NTRK2: variants seen among roughly 807,000 people sequenced by gnomAD.
The protein encoded by NTRK2 is neurotrophic receptor tyrosine kinase 2.
NTRK2 carries 13 observed loss-of-function variants against 94.5 expected under a neutral mutation model. The observed-to-expected ratio is 0.14, with a 90% CI of 0.09 to 0.22. NTRK2 has a LOEUF of 0.22. Among genes scored for constraint, NTRK2 ranks in the 10% least tolerant of loss-of-function variants. The pLI is 1.00. For missense variants in NTRK2, 639 were observed against 1,071.2 expected, an observed-to-expected ratio of 0.60 and a Z score of 5.63; for synonymous variants, 372 against 407.4, an observed-to-expected ratio of 0.91 and a Z score of 1.05.
Position 84,810,421 on chromosome 9 carries a change from G to A in NTRK2, c.1397-50619G>A, listed in dbSNP as rs1444681688. ...CTCTATGGTTTAAAGTGTATTCCAT[G>A]TTGTGTCTCATTTTTGATGTTTATT... On this transcript the variant is annotated intron_variant, in intron 12 of 18. Transcript: ENST00000277120. The A allele has an allele frequency of 4.2e-6, 4 of 941,464 alleles. No homozygotes were observed. The East Asian group carries it at 1.0e-4, about 25-fold the overall frequency. The allele number at this position is 941,464 out of a possible 1,614,324, so 58.3% of individuals were successfully genotyped here. A position where few individuals can be genotyped will look rare whatever the true frequency, so the allele number is the denominator to read the frequency against.
At chr9:84,869,394 C>T (rs562284374) in intron 14 of NTRK2, among the ~76,000 whole-genome samples, 133 of 152,192 alleles carry the variant, frequency 8.7e-4, no homozygotes, top group Middle Eastern at 3.4e-3. Flanking sequence ...ATATATCAAA[C>T]GAGATTTTCA....
At chr9:84,725,668 A>G (rs992167061) in intron 8 of NTRK2, among the ~76,000 whole-genome samples, 3 of 148,416 alleles carry the variant, frequency 2.0e-5, no homozygotes, top group African/African-American at 4.9e-5. Flanking sequence ...TATTATGTAT[A>G]TATATATGCA....
chr9:84,903,744 TTCTC>T (rs372656210), intron 14 of NTRK2, among the ~76,000 whole-genome samples: 1 of 149,874 alleles, frequency 6.7e-6, no homozygotes, highest in East Asian at 1.9e-4. Context: ...CCTCCCTCCC[TTCTC>T]TCTCTCTCTC....
chr9:84,672,463 G>A (rs1476665180), intron 2 of NTRK2, among the ~76,000 whole-genome samples: 1 of 152,152 alleles, frequency 6.6e-6, no homozygotes, highest in East Asian at 1.9e-4. Context: ...AAAGTCTGTG[G>A]CCTTTTGTCA....
At chr9:84,820,314 C>A (rs1343564248) in intron 12 of NTRK2, among the ~76,000 whole-genome samples, 1 of 151,866 alleles carries the variant, frequency 6.6e-6, no homozygotes, top group Non-Finnish European at 1.5e-5. Flanking sequence ...GGACTACAGG[C>A]GTGCACCACC....
chr9:84,785,516 C>T (rs990229525), intron 12 of NTRK2, among the ~76,000 whole-genome samples: 1 of 152,262 alleles, frequency 6.6e-6, no homozygotes, highest in East Asian at 1.9e-4. Flanking sequence ...GGATCAAGAG[C>T]TCGTATAACT....
chr9:84,897,270 G>A (rs1026954498), intron 14 of NTRK2, among the ~76,000 whole-genome samples: 1 of 152,130 alleles, frequency 6.6e-6, no homozygotes, highest in Non-Finnish European at 1.5e-5. Flanking sequence ...CCGAGTAGCT[G>A]GGATTACAGG....
chr9:84,686,697 T>G (rs894003661), intron 2 of NTRK2, among the ~76,000 whole-genome samples: 1 of 152,234 alleles, frequency 6.6e-6, no homozygotes, highest in Non-Finnish European at 1.5e-5. Context: ...TTTGCACTTT[T>G]GCAGTAAAAA....
chr9:84,687,889 T>C (rs2059813054), intron 2 of NTRK2, among the ~76,000 whole-genome samples: 1 of 152,168 alleles, frequency 6.6e-6, no homozygotes, highest in South Asian at 2.1e-4. Flanking sequence ...CAGATGGCCC[T>C]ACCTTTCTCT....
At chr9:85,009,705 T>C (rs1440605479) in intron 17 of NTRK2, among the ~76,000 whole-genome samples, 3 of 152,350 alleles carry the variant, frequency 2.0e-5, no homozygotes, top group South Asian at 4.1e-4. Context: ...GTAATCATTA[T>C]GTCCTTCAAA....
At chr9:84,731,120 A>T (rs1588219863) in intron 9 of NTRK2, among the ~76,000 whole-genome samples, 2 of 152,056 alleles carry the variant, frequency 1.3e-5, no homozygotes, top group East Asian at 3.9e-4. Flanking sequence ...CGCTTAGCGT[A>T]TGTGCACCTC....
chr9:84,929,258 G>A (rs2077933166), intron 14 of NTRK2, among the ~76,000 whole-genome samples: 1 of 152,104 alleles, frequency 6.6e-6, no homozygotes. Flanking sequence ...CATTTTTCAG[G>A]ACTCTAATGT....
chr9:84,706,685 G>A lies in NTRK2; in HGVS notation c.360-1159G>A, dbSNP rs947103194. Among the ~76,000 whole-genome samples, 8 of 151,692 alleles carry A rather than the reference G, an allele frequency of 5.3e-5. No homozygotes were observed. The East Asian group carries it at 5.8e-4, about 11-fold the overall frequency. ...GTTGGGACTACAGGTGCCCGCCACC[G>A]CCTGGCTAATTTTTAGTATTTTTTT... On this transcript the variant is annotated intron_variant, in intron 4 of 18. Transcript: ENST00000277120.
Position 84,913,264 on chromosome 9 carries a change from T to C in NTRK2, c.1634-20898T>C, listed in dbSNP as rs1263946938. On this transcript the variant is annotated intron_variant, in intron 14 of 18. Coordinates refer to ENST00000277120, the MANE Select transcript of NTRK2 (RefSeq NM_006180.6). ...TTTAGGCACATTTTATATACATACA[T>C]ACATATATATAACTTATTACAGTAT... Among the ~76,000 whole-genome samples, 4 of 152,314 alleles carry C rather than the reference T, an allele frequency of 2.6e-5. No homozygotes were observed. The East Asian group carries it at 7.7e-4, about 29-fold the overall frequency.
intron 17 of NTRK2, among the ~76,000 whole-genome samples, chr9:85,019,354 A>G (rs998635756): frequency 6.6e-6 from 1 of 152,158 alleles, no homozygotes; most frequent in African/African-American, 2.4e-5. Context: ...CCGCCACAGG[A>G]CTACTGTGCA....
intron 12 of NTRK2, among the ~76,000 whole-genome samples, chr9:84,797,777 A>T (rs11507097): frequency 0.39 from 1,705 of 4,338 alleles, 342 homozygotes; most frequent in African/African-American, 0.58. Context: ...AATATATATA[A>T]TATATATTAT....
chr9:84,815,887 C>T lies in NTRK2; in HGVS notation c.1397-45153C>T, dbSNP rs958864340. On this transcript the variant is annotated intron_variant, in intron 12 of 18. Coordinates refer to ENST00000277120, the MANE Select transcript of NTRK2 (RefSeq NM_006180.6). ...CATTTCAGATTCTGTGATAAATTATCCCCCCAAAAAGGTCTTTTAAAATTC... is the reference window on the plus strand; with the variant it reads ...CATTTCAGATTCTGTGATAAATTATTCCCCCAAAAAGGTCTTTTAAAATTC... Among the ~76,000 whole-genome samples the T allele has an allele frequency of 5.9e-5, 9 of 151,818 alleles. No individual in the cohort carries two copies. The East Asian group carries it at 1.5e-3, about 26-fold the overall frequency.
intron 17 of NTRK2, among the ~76,000 whole-genome samples, chr9:84,979,120 G>A (rs974565257): frequency 6.6e-6 from 1 of 152,196 alleles, no homozygotes; most frequent in Non-Finnish European, 1.5e-5. Flanking sequence ...ATGGATCAAG[G>A]AGGCATTTTG....
intron 14 of NTRK2, among the ~76,000 whole-genome samples, chr9:84,920,627 C>T (rs1379246983): frequency 2.6e-5 from 4 of 152,184 alleles, no homozygotes; most frequent in African/African-American, 9.6e-5. Flanking sequence ...TTCTTCTACT[C>T]TATGTTTCAT....
Sources: allele counts gnomAD v4.1 joint callset (sites outside exome capture counted in the v4.1 genomes callset), GRCh38; gene constraint gnomAD v4.1.1; transcripts MANE v1.5; gene names NCBI Gene and HGNC (gene_info 2026-07-23, HGNC 2026-07-21).